The following PLCG2 variants were observed in gnomAD, a reference collection of about 807,000 sequenced individuals.
PLCG2 encodes the protein phospholipase C gamma 2.
In PLCG2, 69 loss-of-function variants were observed where a neutral mutation model predicts 175.6. That is an observed-to-expected ratio of 0.39 (90% CI 0.32 to 0.48). The LOEUF is 0.48. PLCG2 is among the 20% of genes least tolerant of loss of function. The pLI is 0.91. For missense variants in PLCG2, 1,798 were observed against 1,650.9 expected (o/e 1.09, Z -1.54); for synonymous variants, 827 against 624.0 (o/e 1.33, Z -4.85).
chr16:81,925,885 C>CAA (rs755323945), intron 22 of PLCG2, among the ~76,000 whole-genome samples: 5 of 19,756 alleles, frequency 2.5e-4, no homozygotes, highest in African/African-American at 7.3e-4. Flanking sequence ...GACTCTGTCT[C>CAA]AAAAAAAAAA....
chr16:81,854,649 C>G, intron 3 of PLCG2, 62 bp downstream of exon 3: 1 of 1,480,576 alleles, frequency 6.8e-7, no homozygotes, highest in Non-Finnish European at 9.4e-7. Context: ...TGAAGAAGTT[C>G]GCTAATAGCA....
At chr16:81,764,822 G>C (rs1375489309) in intron 2 of PLCG2, among the ~76,000 whole-genome samples, 2 of 152,168 alleles carry the variant, frequency 1.3e-5, no homozygotes, top group African/African-American at 2.4e-5. Context: ...GGGTGTGGTG[G>C]TTCAATCCCG....
At chr16:81,827,395 C>A (rs1044211482) in intron 2 of PLCG2, among the ~76,000 whole-genome samples, 1 of 151,882 alleles carries the variant, frequency 6.6e-6, no homozygotes, top group African/African-American at 2.4e-5. Flanking sequence ...TGCCATGTTT[C>A]CCAGGCTGAT....
At chr16:81,817,741 C>A (rs1048315596) in intron 2 of PLCG2, among the ~76,000 whole-genome samples, 6 of 152,216 alleles carry the variant, frequency 3.9e-5, no homozygotes, top group Non-Finnish European at 8.8e-5. Context: ...ATGCCCTTGG[C>A]CTCTCAGAGA....
At chr16:81,935,683 G>C in intron 26 of PLCG2, 1 of 985,288 alleles carries the variant, frequency 1.0e-6, no homozygotes. Context: ...GAGAAGATGA[G>C]GCCTGTCCCC....
chr16:81,772,396 C>A (rs74809260), intron 2 of PLCG2, among the ~76,000 whole-genome samples: 1 of 152,148 alleles, frequency 6.6e-6, no homozygotes, highest in Admixed American at 6.5e-5. Flanking sequence ...GCCTCCAGAA[C>A]TGTGAGATGA....
intron 7 of PLCG2, among the ~76,000 whole-genome samples, chr16:81,872,767 A>G (rs1907580365): frequency 6.6e-6 from 1 of 152,216 alleles, no homozygotes; most frequent in African/African-American, 2.4e-5. Context: ...TAGCTGCATG[A>G]TCTTGGATGA....
rs776632754 is a variant in PLCG2, at chr16:81,910,564, A to G, written c.1778A>G (p.Glu593Gly). 1.2e-5 allele frequency: 20 copies of G among 1,614,010 alleles called. No homozygotes were observed. The highest frequency in any genetic ancestry group is 1.5e-5 in the Non-Finnish European group (18 of 1,179,992). Residue 593 changes from glutamate (E) to glycine (G), a missense_variant, in exon 18 of 33, where the codon GAG becomes GGG. By Grantham distance (98) the Glu-to-Gly change is moderately conservative. Transcript: ENST00000564138. ...CACTGCCGGATCCGCTCCACCATGG[A>G]GGGCGGGACCCTGAAATACTACTTG... is the stretch of plus-strand genomic sequence containing the variant. ...VQHCRIRSTMEGGTLKYYLTD... is the reference protein window; with the variant it reads ...VQHCRIRSTMGGGTLKYYLTD...
At chr16:81,957,615 C>T (rs770534821) in intron 32 of PLCG2, among the ~76,000 whole-genome samples, 2 of 152,122 alleles carry the variant, frequency 1.3e-5, no homozygotes, top group African/African-American at 4.8e-5. Context: ...CCAAGTGTTT[C>T]ATAATATGTC....
At chr16:81,947,558 T>TAAAC (rs1911199373) in intron 31 of PLCG2, among the ~76,000 whole-genome samples, 2 of 152,204 alleles carry the variant, frequency 1.3e-5, no homozygotes, top group Admixed American at 1.3e-4. Context: ...GAAACTCTGG[T>TAAAC]AAACAGCCTC....
At chr16:81,801,321 T>G (rs1911707003) in intron 2 of PLCG2, among the ~76,000 whole-genome samples, 1 of 152,180 alleles carries the variant, frequency 6.6e-6, no homozygotes, top group Non-Finnish European at 1.5e-5. Context: ...TAATTATAAT[T>G]CCCATTTCAA....
chr16:81,852,898 CA>C, intron 2 of PLCG2, among the ~76,000 whole-genome samples: 2 of 152,178 alleles, frequency 1.3e-5, no homozygotes, highest in East Asian at 3.9e-4. Flanking sequence ...TGGCTGAGGG[CA>C]TTGATTCTTC....
At position 81,858,352 on chromosome 16, in the gene PLCG2, G is replaced by T; in HGVS notation, c.427G>T (p.Glu143Ter). The change falls in exon 4 of 33, where the codon GAG (glutamate) becomes TAG (stop). Residue 143 changes from glutamate (E) to a stop codon, truncating the protein, a stop_gained. Coordinates refer to ENST00000564138, the MANE Select transcript of PLCG2 (RefSeq NM_002661.5). LOFTEE classifies it high-confidence loss of function. ...AMNASTPTII[E>*]SWLRKQIYSV... ...GAATGCGTCCACGCCCACCATTATC[G>T]AGAGGTAGTTGGCTTTTGCCTGTTG... is the stretch of plus-strand genomic sequence containing the variant. 6.2e-7 allele frequency: 1 copy of T among 1,611,990 alleles called. No individual in the cohort carries two copies. Among genetic ancestry groups the T allele is most frequent in the Non-Finnish European group, 8.5e-7 (1 of 1,178,096 alleles).
At chr16:81,757,798 C>T (rs756821376) in intron 2 of PLCG2, among the ~76,000 whole-genome samples, 1 of 151,976 alleles carries the variant, frequency 6.6e-6, no homozygotes, top group Admixed American at 6.6e-5. Context: ...ACCCAGTACC[C>T]CTTAGGCCGT....
intron 2 of PLCG2, among the ~76,000 whole-genome samples, chr16:81,787,155 A>G (rs1048435154): frequency 2.0e-5 from 3 of 152,154 alleles, no homozygotes; most frequent in African/African-American, 7.2e-5. Flanking sequence ...AGAGAAGGGC[A>G]TTTCATGCTA....
chr16:81,766,036 G>C (rs1910142446), intron 2 of PLCG2, among the ~76,000 whole-genome samples: 1 of 152,182 alleles, frequency 6.6e-6, no homozygotes, highest in East Asian at 1.9e-4. Flanking sequence ...TTTTAACTTT[G>C]TAAATGAGGC....
intron 8 of PLCG2, among the ~76,000 whole-genome samples, chr16:81,881,323 A>G (rs1027307808): frequency 2.0e-5 from 3 of 152,210 alleles, no homozygotes; most frequent in Non-Finnish European, 4.4e-5. Context: ...GTTTAACTGA[A>G]TTAAAATGAG....
intron 22 of PLCG2, 133 bp downstream of exon 22, chr16:81,923,727 C>A: frequency 1.7e-6 from 1 of 576,468 alleles, no homozygotes; most frequent in Non-Finnish European, 3.1e-6. Flanking sequence ...TGTGTTAAGT[C>A]CCTTCTTAGG....
intron 31 of PLCG2, among the ~76,000 whole-genome samples, chr16:81,955,008 CCTGA>C (rs1234895430): frequency 2.0e-5 from 3 of 152,118 alleles, no homozygotes; most frequent in Non-Finnish European, 4.4e-5. Flanking sequence ...TCTATTGTTT[CCTGA>C]CTTTTTAATA....
Sources: gnomAD v4.1 joint callset for allele counts (sites outside exome capture counted in the v4.1 genomes callset) on GRCh38, gnomAD v4.1.1 for gene constraint, MANE v1.5 for transcripts, NCBI Gene and HGNC (gene_info 2026-07-23, HGNC 2026-07-21) for gene names.